SPATA6: variants seen among roughly 807,000 people sequenced by gnomAD.
The protein encoded by SPATA6 is spermatogenesis-associated protein 6.
A neutral mutation model predicts 65.3 loss-of-function variants in SPATA6; 56 were observed. That is an observed-to-expected ratio of 0.86 (90% CI 0.69 to 1.07). The LOEUF (loss-of-function observed/expected upper bound fraction) is 1.07. Ranked by LOEUF, SPATA6 falls within the 50% of genes least tolerant of loss-of-function variation. The pLI, the probability that SPATA6 is intolerant of heterozygous loss-of-function variation, is 0.00. For missense variants in SPATA6, 590 were observed against 594.8 expected, an observed-to-expected ratio of 0.99 and a Z score of 0.08; for synonymous variants, 199 against 213.2, an observed-to-expected ratio of 0.93 and a Z score of 0.58.
chr1:48,298,920 AAAC>A (rs1331679596), intron 12 of SPATA6, 27 bp from the exon 13 acceptor site: 1 of 1,600,422 alleles, frequency 6.2e-7, no homozygotes, highest in Non-Finnish European at 8.5e-7. Context: ...AAAAGGTTCA[AAAC>A]AATAATGAAA....
chr1:48,376,846 G>A (rs912516351), intron 9 of SPATA6, among the ~76,000 whole-genome samples: 1 of 152,104 alleles, frequency 6.6e-6, no homozygotes, highest in Non-Finnish European at 1.5e-5. Context: ...TTACTGTACT[G>A]AATGCTGTAA....
In SPATA6 at chr1:48,453,185, T is replaced by C. The variant is rs1656733443; in HGVS notation, c.52-54A>G. The C allele has an allele frequency of 1.9e-6, 3 of 1,540,040 alleles. No individual in the cohort carries two copies. In the South Asian group the frequency reaches 3.7e-5, roughly 19 times the overall value. ...ACTGCTTTATAAATTCCCTGAACTA[T>C]CCTACTAAAATAACTTATCAAATAT... On this transcript the variant is annotated intron_variant, in intron 1 of 12. Transcript: ENST00000371847.
At chr1:48,319,594 C>T (rs940128783) in intron 11 of SPATA6, among the ~76,000 whole-genome samples, 3 of 152,060 alleles carry the variant, frequency 2.0e-5, no homozygotes, top group East Asian at 1.9e-4. Context: ...GCAGGACTGG[C>T]GCAGAGCTAG....
chr1:48,395,877 T>C (rs146207451), intron 7 of SPATA6, among the ~76,000 whole-genome samples: 1 of 151,840 alleles, frequency 6.6e-6, no homozygotes, highest in African/African-American at 2.4e-5. Flanking sequence ...TTCCTATTGA[T>C]CAAAATTTAA....
chr1:48,403,758 C>A, intron 6 of SPATA6, 44 bp downstream of exon 6: 1 of 1,476,814 alleles, frequency 6.8e-7, no homozygotes, highest in Non-Finnish European at 9.2e-7. Context: ...CAAATATGAC[C>A]AAATAAATTA....
intron 3 of SPATA6, chr1:48,436,319 A>G (rs1557707301): frequency 2.5e-6 from 4 of 1,612,932 alleles, no homozygotes; most frequent in Admixed American, 3.3e-5. Context: ...CGGCATCCCA[A>G]TATTACAACT....
At chr1:48,358,231 T>C (rs768142771) in intron 10 of SPATA6, among the ~76,000 whole-genome samples, 1 of 152,036 alleles carries the variant, frequency 6.6e-6, no homozygotes, top group Non-Finnish European at 1.5e-5. Flanking sequence ...CAAAATTGCA[T>C]ACAAAGATAA....
chr1:48,314,535 T>C (rs1260556751), intron 11 of SPATA6, among the ~76,000 whole-genome samples: 4 of 152,110 alleles, frequency 2.6e-5, no homozygotes, highest in East Asian at 3.9e-4. Context: ...GGGACACATT[T>C]AAAGCACTGT....
chr1:48,397,183 G>A (rs1557662017), intron 7 of SPATA6, among the ~76,000 whole-genome samples: 4 of 151,638 alleles, frequency 2.6e-5, no homozygotes, highest in Non-Finnish European at 5.9e-5. Flanking sequence ...AAGCAGATTA[G>A]TGATTGCCAA....
At chr1:48,452,123 G>A (rs1234980377) in intron 2 of SPATA6, among the ~76,000 whole-genome samples, 1 of 152,028 alleles carries the variant, frequency 6.6e-6, no homozygotes, top group African/African-American at 2.4e-5. Context: ...CCATTACAAT[G>A]AAAGCTCCCA....
intron 11 of SPATA6, among the ~76,000 whole-genome samples, chr1:48,347,894 T>C (rs975826201): frequency 6.6e-5 from 10 of 151,942 alleles, no homozygotes; most frequent in African/African-American, 9.7e-5. Flanking sequence ...TGCAGGAAGA[T>C]TGTCTCAACA....
chr1:48,277,959 G>C, the SPATA6 span, among the ~76,000 whole-genome samples: 1 of 152,130 alleles, frequency 6.6e-6, no homozygotes, highest in African/African-American at 2.4e-5. Context: ...CACCTCACAT[G>C]GCCAGGTACT....
chr1:48,357,724 C>A (rs1276873076), intron 10 of SPATA6, among the ~76,000 whole-genome samples: 5 of 152,020 alleles, frequency 3.3e-5, no homozygotes, highest in Admixed American at 2.6e-4. Flanking sequence ...AGATGAGGTA[C>A]TGAGTGTTGA....
At chr1:48,268,540 G>A in the SPATA6 span, among the ~76,000 whole-genome samples, 201 of 150,014 alleles carry the variant, frequency 1.3e-3, no homozygotes, top group Admixed American at 2.4e-3. Flanking sequence ...TTTATAAAAC[G>A]TAAGTGTGCT....
intron 11 of SPATA6, among the ~76,000 whole-genome samples, chr1:48,321,189 G>A (rs1331030408): frequency 8.6e-5 from 13 of 152,022 alleles, no homozygotes; most frequent in Admixed American, 8.5e-4. Flanking sequence ...GAATGAAAAT[G>A]GACAGACTTC....
At chr1:48,414,949 C>T (rs191295752) in intron 3 of SPATA6, among the ~76,000 whole-genome samples, 117 of 150,696 alleles carry the variant, frequency 7.8e-4, no homozygotes, top group Admixed American at 1.8e-3. Context: ...AAGGAAACAA[C>T]ATGTAAGAAC....
At chr1:48,389,866 A>G (rs1156866078) in intron 8 of SPATA6, among the ~76,000 whole-genome samples, 3 of 152,166 alleles carry the variant, frequency 2.0e-5, no homozygotes, top group Non-Finnish European at 2.9e-5. Context: ...AATAAAGCAA[A>G]CACACAAATG....
chr1:48,346,646 A>G (rs1448617937), intron 11 of SPATA6, among the ~76,000 whole-genome samples: 1 of 152,104 alleles, frequency 6.6e-6, no homozygotes, highest in African/African-American at 2.4e-5. Flanking sequence ...ATGTTCAAAA[A>G]TCACTAGCAT....
intron 11 of SPATA6, among the ~76,000 whole-genome samples, chr1:48,342,004 A>C (rs1053779088): frequency 6.6e-6 from 1 of 152,234 alleles, no homozygotes; most frequent in Non-Finnish European, 1.5e-5. Context: ...TGGTAGCACT[A>C]TTAGTATTAG....
Sources: gnomAD v4.1 joint callset for allele counts (sites outside exome capture counted in the v4.1 genomes callset) on GRCh38, gnomAD v4.1.1 for gene constraint, MANE v1.5 for transcripts, NCBI Gene and HGNC (gene_info 2026-07-23, HGNC 2026-07-21) for gene names.